MEIOSIN: variants seen among roughly 807,000 people sequenced by gnomAD.
MEIOSIN encodes meiosis initiator protein.
A neutral mutation model predicts 23.4 loss-of-function variants in MEIOSIN; 18 were observed. That is an observed-to-expected ratio of 0.77 (90% CI 0.53 to 1.14). MEIOSIN has a LOEUF of 1.14. Ranked by LOEUF, MEIOSIN falls within the 50% of genes most tolerant of loss-of-function variation. The pLI is 0.00. For synonymous variants in MEIOSIN, 187 were observed against 100.6 expected, an observed-to-expected ratio of 1.86 and a Z score of -5.14; for missense variants, 428 against 242.9, an observed-to-expected ratio of 1.76 and a Z score of -5.07.
intron 2 of MEIOSIN, among the ~76,000 whole-genome samples, chr19:45,738,719 T>C (rs1013631669): frequency 6.6e-6 from 1 of 152,212 alleles, no homozygotes; most frequent in Non-Finnish European, 1.5e-5. Context: ...TTTCACACCA[T>C]TGTAAAGTCG....
intron 13 of MEIOSIN, among the ~76,000 whole-genome samples, chr19:45,762,948 C>A (rs1376944108): frequency 2.0e-5 from 3 of 152,210 alleles, no homozygotes; most frequent in African/African-American, 7.2e-5. Flanking sequence ...CCCACCCAAG[C>A]GACCCCGGGA....
intron 9 of MEIOSIN, among the ~76,000 whole-genome samples, chr19:45,757,756 G>A (rs973077660): frequency 1.3e-5 from 2 of 152,004 alleles, no homozygotes; most frequent in Non-Finnish European, 2.9e-5. Flanking sequence ...CCTGACCTAC[G>A]GTGATCTGCC....
chr19:45,756,649 C>T (rs1381196346), intron 8 of MEIOSIN, among the ~76,000 whole-genome samples: 2 of 152,032 alleles, frequency 1.3e-5, no homozygotes, highest in Non-Finnish European at 2.9e-5. Flanking sequence ...GTCTTGAACT[C>T]GTAGGCTCAA....
At chr19:45,755,155 T>C (rs933775523) in intron 7 of MEIOSIN, among the ~76,000 whole-genome samples, 6 of 150,886 alleles carry the variant, frequency 4.0e-5, no homozygotes, top group Admixed American at 6.6e-5. Context: ...CTTTTCTTTT[T>C]TTTTTTTTTT....
chr19:45,763,398 G>A lies in MEIOSIN; in HGVS notation c.1740G>A (p.Val580=), dbSNP rs1374446826. ...ATKELAQLWR[V]MTQQERRPYC... ...AGGAGCTGGCCCAGCTGTGGCGGGT[G>A]ATGACCCAGCAGGAGCGGAGGCCAT... Residue 580 remains valine (V), a synonymous_variant, in exon 14 of 15, where the codon GTG becomes GTA. Transcript: ENST00000457052. 1 of 398,604 alleles carries A rather than the reference G, an allele frequency of 2.5e-6. No homozygotes were observed. Among genetic ancestry groups the A allele is most frequent in the Non-Finnish European group, 4.4e-6 (1 of 226,176 alleles). 24.7% of individuals were successfully genotyped at this position (398,604 alleles called of 1,614,324 possible).
At chr19:45,739,968 C>A (rs1036829554) in intron 3 of MEIOSIN, among the ~76,000 whole-genome samples, 3 of 152,162 alleles carry the variant, frequency 2.0e-5, no homozygotes, top group Non-Finnish European at 2.9e-5. Flanking sequence ...CTGCCTCAAC[C>A]TCCCGAGTAG....
At chr19:45,755,839 C>T in intron 7 of MEIOSIN, 131 bp from the exon 8 acceptor site, 2 of 606,532 alleles carry the variant, frequency 3.3e-6, no homozygotes, top group Admixed American at 5.5e-5. Flanking sequence ...CACCCTGCAT[C>T]CTGAGGTTTG....
chr19:45,756,632 T>G (rs1159215338), intron 8 of MEIOSIN, among the ~76,000 whole-genome samples: 2 of 152,010 alleles, frequency 1.3e-5, no homozygotes, highest in Non-Finnish European at 2.9e-5. Context: ...CTATGTTGCC[T>G]AGGCTGGTCT....
intron 4 of MEIOSIN, among the ~76,000 whole-genome samples, chr19:45,746,681 A>T (rs1359674593): frequency 6.6e-6 from 1 of 151,968 alleles, no homozygotes; most frequent in Non-Finnish European, 1.5e-5. Flanking sequence ...ATTAGCCAGG[A>T]GTGGTGGCGC....
chr19:45,738,895 C>T (rs1968454260), intron 2 of MEIOSIN, among the ~76,000 whole-genome samples: 1 of 152,118 alleles, frequency 6.6e-6, no homozygotes, highest in Non-Finnish European at 1.5e-5. Flanking sequence ...TACTTTCATC[C>T]CCCTTTCTAG....
At chr19:45,741,469 T>G (rs1968503691) in intron 3 of MEIOSIN, among the ~76,000 whole-genome samples, 1 of 152,246 alleles carries the variant, frequency 6.6e-6, no homozygotes. Context: ...TAGAATATTT[T>G]CATGAGCCCC....
intron 14 of MEIOSIN, 24 bp downstream of exon 14, chr19:45,763,451 G>A (rs574517236): frequency 3.3e-5 from 13 of 398,540 alleles, no homozygotes; most frequent in East Asian, 2.1e-4. Flanking sequence ...GCCCCGAGGT[G>A]TGGGTGGGGG....
Position 45,750,790 on chromosome 19 carries a change from A to T in MEIOSIN, c.418+4A>T, listed in dbSNP as rs1345571730. On this transcript the variant is annotated splice_donor_region_variant and intron_variant, in intron 5 of 14. Transcript: ENST00000457052. ...ACTGGGGAAGGTGGACTTGCGGGTA[A>T]GTAGTTCAGCCAGTGTTTCCTGGTG... 3 of 600,124 alleles carry T rather than the reference A, an allele frequency of 5.0e-6. No homozygotes were observed. The highest frequency in any genetic ancestry group is 2.9e-6 in the Non-Finnish European group (1 of 341,918). 37.2% of individuals were successfully genotyped at this position (600,124 alleles called of 1,614,324 possible).
At chr19:45,762,919 AC>A (rs1429414691) in intron 13 of MEIOSIN, among the ~76,000 whole-genome samples, 1 of 152,214 alleles carries the variant, frequency 6.6e-6, no homozygotes, top group East Asian at 1.9e-4. Context: ...CCCAGGAGGC[AC>A]AGGCTCGGGT....
intron 8 of MEIOSIN, 108 bp downstream of exon 8, chr19:45,756,186 T>C (rs1476605083): frequency 3.2e-6 from 2 of 631,506 alleles, no homozygotes; most frequent in Admixed American, 4.9e-5. Flanking sequence ...CGGGTGCCCC[T>C]TGAGCACCAA....
At chr19:45,761,653 C>T in intron 11 of MEIOSIN, 26 bp from the exon 12 acceptor site, 2 of 697,584 alleles carry the variant, frequency 2.9e-6, no homozygotes, top group South Asian at 1.5e-5. Context: ...TCTCCCCTCC[C>T]ATCTTTCTCC....
intron 9 of MEIOSIN, 67 bp from the exon 10 acceptor site, chr19:45,758,811 C>A: frequency 1.5e-6 from 1 of 668,736 alleles, no homozygotes; most frequent in South Asian, 1.5e-5. Context: ...CTCCTCAATG[C>A]CAGCTGCTGT....
chr19:45,740,293 T>A lies in MEIOSIN; in HGVS notation c.176+563T>A, dbSNP rs1379157649. Among the ~76,000 whole-genome samples, 3 of 152,214 alleles carry A rather than the reference T, an allele frequency of 2.0e-5. No homozygotes were observed. In the East Asian group the frequency reaches 5.8e-4, roughly 29 times the overall value. ...AACAGGCACAGAGAAGTGAAAGCAG[T>A]TGCCCAAAGTCACACAGCAAGCGGA... On this transcript the variant is annotated intron_variant, in intron 3 of 14. Coordinates refer to ENST00000457052, the MANE Select transcript of MEIOSIN (RefSeq NM_001310124.2).
intron 10 of MEIOSIN, 38 bp downstream of exon 10, chr19:45,759,071 G>A (rs554280611): frequency 1.6e-5 from 11 of 702,684 alleles, no homozygotes; most frequent in East Asian, 5.4e-5. Context: ...TAGTTCATTC[G>A]GGAAACATAC....
Sources: allele counts gnomAD v4.1 joint callset (sites outside exome capture counted in the v4.1 genomes callset), GRCh38; gene constraint gnomAD v4.1.1; transcripts MANE v1.5; gene names NCBI Gene and HGNC (gene_info 2026-07-23, HGNC 2026-07-21).